ADGRA3: variants seen among roughly 807,000 people sequenced by gnomAD.
ADGRA3 encodes the protein G-protein coupled receptor 125.
A neutral mutation model predicts 119.8 loss-of-function variants in ADGRA3; 56 were observed. That is an observed-to-expected ratio of 0.47 (90% CI 0.38 to 0.58). The LOEUF is 0.58. Ranked by LOEUF, ADGRA3 falls within the 20% of genes least tolerant of loss-of-function variation. The pLI, the probability that ADGRA3 is intolerant of heterozygous loss-of-function variation, is 0.00. For synonymous variants in ADGRA3, 607 were observed against 623.8 expected, an observed-to-expected ratio of 0.97 and a Z score of 0.40; for missense variants, 1,516 against 1,649.0, an observed-to-expected ratio of 0.92 and a Z score of 1.40.
At chr4:22,414,346 C>A in intron 12 of ADGRA3, 1 of 357,122 alleles carries the variant, frequency 2.8e-6, no homozygotes, top group Non-Finnish European at 5.0e-6. Flanking sequence ...TTCCTTGAGA[C>A]TAGGAAACAC....
At chr4:22,396,354 A>G (rs1714353566) in intron 16 of ADGRA3, among the ~76,000 whole-genome samples, 1 of 152,210 alleles carries the variant, frequency 6.6e-6, no homozygotes, top group African/African-American at 2.4e-5. Flanking sequence ...TACTGTTCAT[A>G]AAATATGTAA....
intron 2 of ADGRA3, among the ~76,000 whole-genome samples, chr4:22,464,988 C>A (rs1037255550): frequency 6.6e-6 from 1 of 152,162 alleles, no homozygotes; most frequent in Non-Finnish European, 1.5e-5. Context: ...GTAATGTGAA[C>A]CAGCCGGTAC....
rs186033188 is a variant in ADGRA3 at position 22,425,060 on chromosome 4, G to A, written c.1444-708C>T. On this transcript the variant is annotated intron_variant, in intron 10 of 18. Coordinates refer to ENST00000334304, the MANE Select transcript of ADGRA3 (RefSeq NM_145290.4). ...ACTGCACTCTAGCCTGGACAACAGA[G>A]TGAGACACTCTTAAAAAAAAAAAAA... Among the ~76,000 whole-genome samples, 15 of 149,440 alleles carry A rather than the reference G, an allele frequency of 1.0e-4. No homozygotes were observed. In the East Asian group the frequency reaches 3.0e-3, roughly 30 times the overall value.
At chr4:22,404,093 G>C (rs1039991204) in intron 14 of ADGRA3, among the ~76,000 whole-genome samples, 3 of 152,116 alleles carry the variant, frequency 2.0e-5, no homozygotes, top group Non-Finnish European at 2.9e-5. Context: ...AGATAACCTG[G>C]GTTGTAAGAA....
chr4:22,408,328 C>G (rs567831275), intron 14 of ADGRA3, among the ~76,000 whole-genome samples: 13 of 118,042 alleles, frequency 1.1e-4, no homozygotes, highest in African/African-American at 4.1e-4. Flanking sequence ...AAACTCTGTT[C>G]ATAAAAAGAC....
Position 22,413,159 on chromosome 4 carries a change from C to T in ADGRA3, c.2232+23G>A, listed in dbSNP as rs773724393. On this transcript the variant is annotated intron_variant, in intron 14 of 18. Coordinates refer to ENST00000334304, the MANE Select transcript of ADGRA3 (RefSeq NM_145290.4). ...GCAAAAATGTAGAATAGTGTTTATGCATAAAGTTAACAACTGCCATACCAT... is the reference window on the plus strand; with the variant it reads ...GCAAAAATGTAGAATAGTGTTTATGTATAAAGTTAACAACTGCCATACCAT... 3.9e-6 allele frequency: 6 copies of T among 1,531,042 alleles called. No individual in the cohort carries two copies. In the Admixed American group the frequency reaches 1.0e-4, roughly 26 times the overall value. 94.8% of individuals were successfully genotyped at this position (1,531,042 alleles called of 1,614,324 possible).
rs147162304 is a variant in ADGRA3 at position 22,387,857 on chromosome 4, C to G, written c.3814G>C (p.Val1272Leu). 4 of 1,614,012 alleles carry G rather than the reference C, an allele frequency of 2.5e-6. No homozygotes were observed. In the Admixed American group the frequency reaches 5.0e-5, roughly 20 times the overall value. ...GATTTTTGCTGATTTTCAAGTTCAACCACAGCTGGCTTCCTTAACGCATCT... is the reference window on the plus strand; with the variant it reads ...GATTTTTGCTGATTTTCAAGTTCAAGCACAGCTGGCTTCCTTAACGCATCT... ...KKDALRKPAV[V>L]ELENQQKSYG... is the part of the protein sequence containing the mutation. Residue 1272 changes from valine (V) to leucine (L), a missense_variant, in exon 19 of 19, where the codon GTT becomes CTT. Transcript: ENST00000334304.
At position 22,447,527 on chromosome 4, in the gene ADGRA3, C is replaced by A; in HGVS notation, c.474-16G>T. On this transcript the variant is annotated splice_polypyrimidine_tract_variant and intron_variant, in intron 4 of 18. Transcript: ENST00000334304. Reference sequence around the variant, plus strand: ...CGAAAGGTTTCTGAAAGACAGAAAACAATTTCACTTTTAAAAATACAATTA... The same window carrying A: ...CGAAAGGTTTCTGAAAGACAGAAAAAAATTTCACTTTTAAAAATACAATTA... The A allele has an allele frequency of 3.5e-6, 5 of 1,440,390 alleles. No homozygotes were observed. The highest frequency in any genetic ancestry group is 4.8e-6 in the Non-Finnish European group (5 of 1,051,946). 89.2% of individuals were successfully genotyped at this position (1,440,390 alleles called of 1,614,324 possible).
chr4:22,403,182 C>T (rs1714744073), intron 14 of ADGRA3, among the ~76,000 whole-genome samples: 1 of 152,050 alleles, frequency 6.6e-6, no homozygotes, highest in Non-Finnish European at 1.5e-5. Flanking sequence ...TGATCAGACA[C>T]AATGAGAGCA....
intron 1 of ADGRA3, among the ~76,000 whole-genome samples, chr4:22,500,426 A>G (rs981063993): frequency 6.6e-6 from 1 of 151,004 alleles, no homozygotes; most frequent in African/African-American, 2.4e-5. Flanking sequence ...CATTTGGCAC[A>G]GCACCTAGAA....
chr4:22,459,359 C>A (rs1717360018), intron 3 of ADGRA3, among the ~76,000 whole-genome samples: 1 of 151,868 alleles, frequency 6.6e-6, no homozygotes, highest in African/African-American at 2.4e-5. Flanking sequence ...AGAAAAACAA[C>A]TAATGAGTAC....
intron 12 of ADGRA3, among the ~76,000 whole-genome samples, chr4:22,417,439 T>C (rs1312846886): frequency 6.6e-6 from 1 of 151,594 alleles, no homozygotes; most frequent in Non-Finnish European, 1.5e-5. Context: ...TGCCAGGCAC[T>C]GTGGTGAATG....
chr4:22,485,495 T>G (rs900484445), intron 1 of ADGRA3, among the ~76,000 whole-genome samples: 3 of 152,198 alleles, frequency 2.0e-5, no homozygotes, highest in Non-Finnish European at 4.4e-5. Flanking sequence ...ATTAGAATTT[T>G]CCTGTGTTAA....
At chr4:22,445,456 T>C (rs1177457649) in intron 5 of ADGRA3, among the ~76,000 whole-genome samples, 1 of 152,152 alleles carries the variant, frequency 6.6e-6, no homozygotes, top group Non-Finnish European at 1.5e-5. Context: ...CATTCCTTTT[T>C]GTCTATCGAA....
chr4:22,412,351 T>C (rs969621350), intron 14 of ADGRA3, among the ~76,000 whole-genome samples: 4 of 152,162 alleles, frequency 2.6e-5, no homozygotes, highest in Non-Finnish European at 4.4e-5. Context: ...AAAGACCTCA[T>C]TAATAAAAAC....
rs988586074 is a variant in ADGRA3, at chr4:22,413,483, C to A, written c.2024-93G>T. On this transcript the variant is annotated intron_variant, in intron 13 of 18. Transcript: ENST00000334304. ...TACAGTAATGGGTACTCTGCAAGAT[C>A]TTTCTTCACTAGTGACTCATTAAAA... 405 of 1,371,318 alleles carry A rather than the reference C, an allele frequency of 3.0e-4. 1 individual carries two copies. Among genetic ancestry groups the A allele is most frequent in the Non-Finnish European group, 5.6e-5 (54 of 966,844 alleles). The allele number at this position is 1,371,318 out of a possible 1,614,324, so 84.9% of individuals were successfully genotyped here. A position where few individuals can be genotyped will look rare whatever the true frequency, so the allele number is the denominator to read the frequency against.
intron 10 of ADGRA3, among the ~76,000 whole-genome samples, chr4:22,433,560 G>C (rs1180735169): frequency 1.3e-5 from 2 of 152,086 alleles, no homozygotes; most frequent in Non-Finnish European, 2.9e-5. Context: ...CAACGCAGCC[G>C]ACCACTCTTC....
chr4:22,418,090 T>C (rs1240559118), intron 12 of ADGRA3, among the ~76,000 whole-genome samples: 1 of 152,250 alleles, frequency 6.6e-6, no homozygotes, highest in Non-Finnish European at 1.5e-5. Context: ...TATTTTGTTA[T>C]GCTAACATAT....
intron 1 of ADGRA3, among the ~76,000 whole-genome samples, chr4:22,491,505 C>A (rs1457485714): frequency 2.0e-5 from 3 of 152,152 alleles, no homozygotes; most frequent in Non-Finnish European, 2.9e-5. Flanking sequence ...CAGTGTCTGT[C>A]CCTTCAGAGT....
Sources: allele counts gnomAD v4.1 joint callset (sites outside exome capture counted in the v4.1 genomes callset), GRCh38; gene constraint gnomAD v4.1.1; transcripts MANE v1.5; gene names NCBI Gene and HGNC (gene_info 2026-07-23, HGNC 2026-07-21).